Variants in ARL14EPL observed in about 807,000 individuals in gnomAD.
ARL14EPL encodes the protein ARF like GTPase 14 effector protein like.
Under a neutral mutation model 15.9 loss-of-function variants are expected in ARL14EPL, and 17 were observed. That is an observed-to-expected ratio of 1.07 (90% CI 0.73 to 1.60). ARL14EPL has a LOEUF of 1.60. Among genes scored for constraint, ARL14EPL ranks in the 40% most tolerant of loss-of-function variants. ARL14EPL has a pLI of 0.00. For synonymous variants in ARL14EPL, 78 were observed against 63.8 expected, an observed-to-expected ratio of 1.22 and a Z score of -1.06; for missense variants, 214 against 185.9, an observed-to-expected ratio of 1.15 and a Z score of -0.88.
intron 3 of ARL14EPL, among the ~76,000 whole-genome samples, chr5:116,057,210 C>T (rs1026023016): frequency 2.0e-5 from 3 of 152,014 alleles, no homozygotes; most frequent in South Asian, 2.1e-4. Flanking sequence ...AAAAGGCCTT[C>T]GGAAGTGACT....
At chr5:116,035,499 GA>G (rs1296830864) in intron 1 of ARL14EPL, among the ~76,000 whole-genome samples, 5 of 152,136 alleles carry the variant, frequency 3.3e-5, no homozygotes, top group Non-Finnish European at 7.3e-5. Context: ...TTTTGACTGC[GA>G]ACTGATTACA....
At chr5:116,047,693 C>T (rs944248764) in intron 1 of ARL14EPL, among the ~76,000 whole-genome samples, 3 of 152,182 alleles carry the variant, frequency 2.0e-5, no homozygotes, top group African/African-American at 7.2e-5. Flanking sequence ...GCAGGACCCT[C>T]TCTGGAATGG....
intron 1 of ARL14EPL, among the ~76,000 whole-genome samples, chr5:116,042,398 G>A (rs1270662309): frequency 6.6e-6 from 1 of 152,190 alleles, no homozygotes; most frequent in African/African-American, 2.4e-5. Context: ...TACATCCAGT[G>A]AAGGAGCTAC....
At chr5:116,055,530 G>T (rs1449980111) in intron 3 of ARL14EPL, among the ~76,000 whole-genome samples, 4 of 152,064 alleles carry the variant, frequency 2.6e-5, no homozygotes, top group Non-Finnish European at 5.9e-5. Flanking sequence ...CTCAACTCAT[G>T]ATCAGACTAA....
At chr5:116,040,137 T>A (rs1240035951) in intron 1 of ARL14EPL, among the ~76,000 whole-genome samples, 1 of 152,164 alleles carries the variant, frequency 6.6e-6, no homozygotes, top group Non-Finnish European at 1.5e-5. Flanking sequence ...TTTGCGAAGA[T>A]CTTTGTCTTT....
At chr5:116,056,160 T>C (rs76037286) in intron 3 of ARL14EPL, among the ~76,000 whole-genome samples, 96,524 of 151,278 alleles carry the variant, frequency 0.64, 33,068 homozygotes, top group Non-Finnish European at 0.79. Flanking sequence ...TGGGTATATA[T>C]GCAGTAATGG....
At chr5:116,041,774 T>C (rs1198559709) in intron 1 of ARL14EPL, among the ~76,000 whole-genome samples, 5 of 152,160 alleles carry the variant, frequency 3.3e-5, no homozygotes, top group South Asian at 4.1e-4. Context: ...CCTGAGTTTT[T>C]CCCCGTGCAT....
chr5:116,051,762 C>G (rs1749385867), intron 2 of ARL14EPL, among the ~76,000 whole-genome samples: 1 of 152,242 alleles, frequency 6.6e-6, no homozygotes, highest in South Asian at 2.1e-4. Context: ...TCCTCTCCAC[C>G]TCCTGTGTAC....
intron 1 of ARL14EPL, among the ~76,000 whole-genome samples, chr5:116,040,418 G>T (rs942057889): frequency 5.3e-5 from 8 of 151,514 alleles, no homozygotes; most frequent in African/African-American, 1.9e-4. Flanking sequence ...GGAGTGAAGG[G>T]AAGGCATTAA....
intron 1 of ARL14EPL, among the ~76,000 whole-genome samples, chr5:116,040,317 G>T (rs1749125396): frequency 6.6e-6 from 1 of 150,648 alleles, no homozygotes; most frequent in South Asian, 2.1e-4. Context: ...GGCTATAATA[G>T]AAATTATAGA....
chr5:116,052,574 T>G (rs992725838), intron 2 of ARL14EPL, among the ~76,000 whole-genome samples: 1 of 152,222 alleles, frequency 6.6e-6, no homozygotes, highest in African/African-American at 2.4e-5. Flanking sequence ...TGGGTCTCTG[T>G]TCTTAACCTC....
At chr5:116,040,814 C>CA (rs58840428) in intron 1 of ARL14EPL, among the ~76,000 whole-genome samples, 1,261 of 106,482 alleles carry the variant, frequency 0.012, 13 homozygotes, top group South Asian at 0.024. Context: ...ACTAAAAATA[C>CA]AAAAAAAAAA....
intron 1 of ARL14EPL, among the ~76,000 whole-genome samples, chr5:116,036,985 C>T (rs1345289503): frequency 6.6e-6 from 1 of 151,982 alleles, no homozygotes; most frequent in African/African-American, 2.4e-5. Flanking sequence ...CAACTCTCCT[C>T]CTCTGAGCAG....
chr5:116,054,044 G>C lies in ARL14EPL; in HGVS notation c.127G>C (p.Ala43Pro). The change falls in exon 3 of 4, where the codon GCA becomes CCA. Residue 43 changes from alanine (A) to proline (P), a missense_variant. Transcript: ENST00000686077. ...AATAGAGCGGCAGTTAAAATGCTTG[G>C]CATTTCGAAACCCTGGACCACAGGT... is the stretch of plus-strand genomic sequence containing the variant. ...QQIERQLKCL[A>P]FRNPGPQVAD... 1 of 1,535,058 alleles carries C rather than the reference G, an allele frequency of 6.5e-7. No homozygotes were observed. The highest frequency in any genetic ancestry group is 8.7e-7 in the Non-Finnish European group (1 of 1,146,358).
chr5:116,051,812 C>CT (rs1749386676), intron 2 of ARL14EPL: 5 of 862,696 alleles, frequency 5.8e-6, no homozygotes, highest in Non-Finnish European at 7.0e-6. Context: ...TAAAATTCTG[C>CT]TTTTTGTGGA....
At chr5:116,045,614 G>A (rs577080960) in intron 1 of ARL14EPL, among the ~76,000 whole-genome samples, 4 of 152,304 alleles carry the variant, frequency 2.6e-5, no homozygotes, top group African/African-American at 4.8e-5. Flanking sequence ...GGTAGCATTC[G>A]TGGCATTAGC....
At chr5:116,050,361 C>T (rs1270879335) in intron 1 of ARL14EPL, among the ~76,000 whole-genome samples, 1 of 152,180 alleles carries the variant, frequency 6.6e-6, no homozygotes, top group Non-Finnish European at 1.5e-5. Flanking sequence ...TTTTCGTTTT[C>T]TGTATTTGTT....
chr5:116,042,656 G>C (rs1227834046), intron 1 of ARL14EPL, among the ~76,000 whole-genome samples: 2 of 152,192 alleles, frequency 1.3e-5, no homozygotes, highest in Admixed American at 6.5e-5. Context: ...TGTTCAGTAA[G>C]TGCTAAGAAA....
chr5:116,055,519 T>C (rs557288445), intron 3 of ARL14EPL, among the ~76,000 whole-genome samples: 3 of 152,180 alleles, frequency 2.0e-5, no homozygotes, highest in Non-Finnish European at 4.4e-5. Context: ...CATGGAAGAA[T>C]CTCAACTCAT....
Sources: gnomAD v4.1 joint callset for allele counts (sites outside exome capture counted in the v4.1 genomes callset) on GRCh38, gnomAD v4.1.1 for gene constraint, MANE v1.5 for transcripts, NCBI Gene and HGNC (gene_info 2026-07-23, HGNC 2026-07-21) for gene names.